FAM219B: variants seen among roughly 807,000 people sequenced by gnomAD.
FAM219B encodes family with sequence similarity 219 member B.
Under a neutral mutation model 19.9 loss-of-function variants are expected in FAM219B, and 18 were observed. That is an observed-to-expected ratio of 0.91 (90% CI 0.63 to 1.34). The LOEUF is 1.34. FAM219B is among the 40% of genes most tolerant of loss of function. The pLI is 0.00. For missense variants in FAM219B, 283 were observed against 270.5 expected, an observed-to-expected ratio of 1.05 and a Z score of -0.32; for synonymous variants, 123 against 117.5, an observed-to-expected ratio of 1.05 and a Z score of -0.30.
Position 74,905,230 on chromosome 15 carries a change from A to G in FAM219B, c.304T>C (p.Ser102Pro), listed in dbSNP as rs1337397281. The part of the protein sequence containing the change: ...PNRPDSSGKR[S>P]VKFNKGYTAL... ...GTATAGCCCTTGTTAAACTTCACTGACCTGAGGGGAGACGGGGGAGAAGAG... is the reference window on the plus strand; with the variant it reads ...GTATAGCCCTTGTTAAACTTCACTGGCCTGAGGGGAGACGGGGGAGAAGAG... The change falls in exon 3 of 5, where the codon TCA becomes CCA. Residue 102 changes from serine to proline, a missense_variant and splice_region_variant. Transcript: ENST00000357635. 1.2e-6 allele frequency: 2 copies of G among 1,613,798 alleles called. No individual in the cohort carries two copies. The highest frequency in any genetic ancestry group is 1.7e-6 in the Non-Finnish European group (2 of 1,179,824).
chr15:74,898,645 C>G (rs1246291350), downstream of FAM219B: 1 of 152,208 alleles, frequency 6.6e-6, no homozygotes, highest in Non-Finnish European at 1.5e-5. Context: ...TCACGCCACT[C>G]TTCTGCCTCA....
Position 74,905,789 on chromosome 15 carries a change from C to G in FAM219B, c.302+489G>C, listed in dbSNP as rs150003186. On this transcript the variant is annotated intron_variant, in intron 2 of 4. Transcript: ENST00000357635. Reference sequence around the variant, plus strand: ...TGATCTAGGAAAAGCACCCTCTCCCCACTTATTTAATCAGAGGACACAAAA... The same window carrying G: ...TGATCTAGGAAAAGCACCCTCTCCCGACTTATTTAATCAGAGGACACAAAA... The G allele has an allele frequency of 4.0e-3, 668 of 167,200 alleles. 8 individuals carry two copies. Among genetic ancestry groups the G allele is most frequent in the Middle Eastern group, 0.022 (7 of 314 alleles). The allele number at this position is 167,200 out of a possible 1,614,324, so 10.4% of individuals were successfully genotyped here.
Position 74,900,637 on chromosome 15 carries a change from G to T in FAM219B, c.*1982C>A, listed in dbSNP as rs1252546231. Reference sequence around the variant, plus strand: ...GAAAGGCCTGGACATGGTCTCTGCAGATGGGGAAGGGGTTCTGGATGGAGA... The same window carrying T: ...GAAAGGCCTGGACATGGTCTCTGCATATGGGGAAGGGGTTCTGGATGGAGA... On this transcript the variant is annotated 3_prime_UTR_variant, in exon 5 of 5. Transcript: ENST00000357635. 1 of 152,308 alleles carries T rather than the reference G, an allele frequency of 6.6e-6. No individual in the cohort carries two copies. 9.4% of individuals were successfully genotyped at this position (152,308 alleles called of 1,614,324 possible). A position where few individuals can be genotyped will look rare whatever the true frequency, so the allele number is the denominator to read the frequency against.
rs758953136 is a variant in FAM219B at position 74,906,280 on chromosome 15, T to C, written c.300A>G (p.Lys100=). Residue 100 remains lysine, a splice_region_variant and synonymous_variant, in exon 2 of 5, where the codon AAA becomes AAG. Coordinates refer to ENST00000357635, the MANE Select transcript of FAM219B (RefSeq NM_020447.5). ...ASPNRPDSSG[K]RSVKFNKGYT... is the part of the protein sequence containing the mutation. ...GAGGAGGTGGCGCCTGCTGAGACCT[T>C]TTCCCTGAAGAGTCTGGGCGGTTCG... 1.9e-6 allele frequency: 3 copies of C among 1,613,356 alleles called. No homozygotes were observed. The highest frequency in any genetic ancestry group is 2.2e-5 in the East Asian group (1 of 44,864).
Position 74,901,798 on chromosome 15 carries a change from G to A in FAM219B, c.*821C>T, listed in dbSNP as rs944041488. ...TAATAATAAAAACTGCAGGCTTCTGGGGCCAGCCCCAGTACCTTCGACCTA... is the reference window on the plus strand; with the variant it reads ...TAATAATAAAAACTGCAGGCTTCTGAGGCCAGCCCCAGTACCTTCGACCTA... On this transcript the variant is annotated 3_prime_UTR_variant, in exon 5 of 5. Transcript: ENST00000357635. The A allele has an allele frequency of 3.2e-5, 9 of 280,450 alleles. No individual in the cohort carries two copies. In the East Asian group the frequency reaches 4.2e-4, roughly 13 times the overall value. The allele number at this position is 280,450 out of a possible 1,614,324, so 17.4% of individuals were successfully genotyped here.
At chr15:74,906,253 C>T (rs893834437) in intron 2 of FAM219B, 25 bp downstream of exon 2, 1 of 1,610,386 alleles carries the variant, frequency 6.2e-7, no homozygotes, top group Non-Finnish European at 8.5e-7. Context: ...GCTGCTGGCA[C>T]AGAGGAGGTG....
At chr15:74,902,889 G>T in intron 4 of FAM219B, 103 bp from the exon 5 acceptor site, 1 of 1,376,624 alleles carries the variant, frequency 7.3e-7, no homozygotes, top group African/African-American at 1.4e-5. Flanking sequence ...TCCTGTCCAT[G>T]TCCCACCCCA....
chr15:74,898,965 A>C (rs1383667152), downstream of FAM219B: 2 of 152,338 alleles, frequency 1.3e-5, no homozygotes. Flanking sequence ...AAAGTTGAAG[A>C]GTTGCACTAG....
downstream of FAM219B, chr15:74,898,833 C>CCAGCTAAGTTTTTGTAT (rs2064864408): frequency 6.6e-6 from 1 of 152,486 alleles, no homozygotes. Flanking sequence ...GCCACCACGC[C>CCAGCTAAGTTTTTGTAT]TGGCCCGGCT....
chr15:74,905,228 T>A lies in FAM219B; in HGVS notation c.306A>T (p.Ser102=). The A allele has an allele frequency of 6.2e-7, 1 of 1,613,718 alleles. No homozygotes were observed. The highest frequency in any genetic ancestry group is 2.2e-5 in the East Asian group (1 of 44,874). ...CAGTATAGCCCTTGTTAAACTTCAC[T>A]GACCTGAGGGGAGACGGGGGAGAAG... is the stretch of plus-strand genomic sequence containing the variant. The part of the protein sequence containing the change: ...PNRPDSSGKR[S]VKFNKGYTAL... Residue 102 remains serine, a synonymous_variant, in exon 3 of 5, where the codon TCA becomes TCT. Coordinates refer to ENST00000357635, the MANE Select transcript of FAM219B (RefSeq NM_020447.5).
In FAM219B at chr15:74,905,154, C is replaced by G; in HGVS notation, c.380G>C (p.Ser127Thr). 6.2e-7 allele frequency: 1 copy of G among 1,614,090 alleles called. No homozygotes were observed. Among genetic ancestry groups the G allele is most frequent in the Non-Finnish European group, 8.5e-7 (1 of 1,179,964 alleles). Reference sequence around the variant, plus strand: ...GGGTATTTCCAAGGGGAGCACTCACCTGTCAGAGTCGAGGGACACCAGGTT... The same window carrying G: ...GGGTATTTCCAAGGGGAGCACTCACGTGTCAGAGTCGAGGGACACCAGGTT... ...DENLVSLDSD[S>T]DGELGSRYSS... Residue 127 changes from serine (S) to threonine (T), a missense_variant and splice_region_variant, in exon 3 of 5, where the codon AGT becomes ACT. Physicochemically the swap from Ser to Thr is moderately conservative, Grantham distance 58. Coordinates refer to ENST00000357635, the MANE Select transcript of FAM219B (RefSeq NM_020447.5).
At chr15:74,904,984 A>G (rs945472690) in intron 3 of FAM219B, 170 bp downstream of exon 3, 6 of 1,540,788 alleles carry the variant, frequency 3.9e-6, no homozygotes, top group Non-Finnish European at 5.2e-6. Context: ...ACGATTACCT[A>G]TGAGTCTTCT....
Position 74,902,718 on chromosome 15 carries a change from G to A in FAM219B, c.498C>T (p.Asp166=), listed in dbSNP as rs552779646. 2.3e-5 allele frequency: 37 copies of A among 1,612,932 alleles called. No homozygotes were observed. The highest frequency in any genetic ancestry group is 1.2e-4 in the Admixed American group (7 of 59,872). Residue 166 remains aspartate, a synonymous_variant, in exon 5 of 5, where the codon GAC becomes GAT. Transcript: ENST00000357635. ...TAGGGGGGATGAGGTCCAAGTCCTC[G>A]TCATCTGGAATCTCATCCAGGTGAT... is the stretch of plus-strand genomic sequence containing the variant. The part of the protein sequence containing the change: ...DGYHLDEIPD[D]EDLDLIPPKP...
At position 74,900,146 on chromosome 15, in the gene FAM219B, C is replaced by T. The variant is rs2064892846; in HGVS notation, c.*2473G>A. ...CCTCAGGAAACTGTCACCTGCAGAA[C>T]ACACAGCACTCAGAATTAAGGCAGT... is the stretch of plus-strand genomic sequence containing the variant. On this transcript the variant is annotated 3_prime_UTR_variant, in exon 5 of 5. Coordinates refer to ENST00000357635, the MANE Select transcript of FAM219B (RefSeq NM_020447.5). The T allele has an allele frequency of 6.6e-6, 1 of 152,318 alleles. No individual in the cohort carries two copies. The highest frequency in any genetic ancestry group is 2.1e-4 in the South Asian group (1 of 4,834). The allele number at this position is 152,318 out of a possible 1,614,324, so 9.4% of individuals were successfully genotyped here. A position where few individuals can be genotyped will look rare whatever the true frequency, so the allele number is the denominator to read the frequency against.
chr15:74,905,274 C>T (rs748911709), intron 2 of FAM219B, 43 bp from the exon 3 acceptor site: 1 of 1,593,184 alleles, frequency 6.3e-7, no homozygotes. Flanking sequence ...TAGATGAAAG[C>T]ATAGGCATTT....
chr15:74,900,876 T>C lies in FAM219B; in HGVS notation c.*1743A>G, dbSNP rs2064926825. On this transcript the variant is annotated 3_prime_UTR_variant, in exon 5 of 5. Coordinates refer to ENST00000357635, the MANE Select transcript of FAM219B (RefSeq NM_020447.5). ...CAGATACTGTATATTCCTCTCAACC[T>C]TCCATGGTTTGAGAAAAACACAAAG... 6.6e-6 allele frequency: 1 copy of C among 152,186 alleles called. No homozygotes were observed. The highest frequency in any genetic ancestry group is 2.4e-5 in the African/African-American group (1 of 41,438). 9.4% of individuals were successfully genotyped at this position (152,186 alleles called of 1,614,324 possible). A position where few individuals can be genotyped will look rare whatever the true frequency, so the allele number is the denominator to read the frequency against.
chr15:74,905,490 C>A (rs2065149998), intron 2 of FAM219B: 2 of 365,228 alleles, frequency 5.5e-6, no homozygotes, highest in Non-Finnish European at 1.1e-5. Flanking sequence ...GTGGCGCGAT[C>A]TCGGCTCACT....
chr15:74,906,804 CG>C lies in FAM219B; in HGVS notation c.-5del. 1 of 1,278,794 alleles carries C rather than the reference CG, an allele frequency of 7.8e-7. No individual in the cohort carries two copies. The highest frequency in any genetic ancestry group is 9.9e-7 in the Non-Finnish European group (1 of 1,014,720). The allele number at this position is 1,278,794 out of a possible 1,614,324, so 79.2% of individuals were successfully genotyped here. The stretch of plus-strand genomic sequence containing the variant: ...CGCTGGGCTCCGCGGTCGCCATGGC[CG>C]GGCCCCGCCCTGCCGGATGGTGCAA... On this transcript the variant is annotated 5_prime_UTR_variant, in exon 1 of 5. Transcript: ENST00000357635.
intron 3 of FAM219B, 118 bp downstream of exon 3, chr15:74,905,036 G>A (rs781562694): frequency 6.4e-6 from 10 of 1,571,444 alleles, no homozygotes; most frequent in Admixed American, 1.9e-5. Flanking sequence ...AGAAGAGAAC[G>A]GCCCTGGAAT....
Sources: allele counts gnomAD v4.1 joint callset, GRCh38; gene constraint gnomAD v4.1.1; transcripts MANE v1.5; gene names NCBI Gene and HGNC (gene_info 2026-07-23, HGNC 2026-07-21).